Variants in ARID2 observed in about 807,000 individuals in gnomAD.
ARID2 encodes AT-rich interaction domain 2.
In ARID2, 32 loss-of-function variants were observed where a neutral mutation model predicts 184.6. The ratio of observed to expected loss-of-function variants is 0.17; its 90% confidence interval spans 0.13 to 0.23. The LOEUF (loss-of-function observed/expected upper bound fraction) is 0.23, where lower values mean the gene tolerates loss of function less well. ARID2 is among the 10% of genes least tolerant of loss of function. The pLI, the probability that ARID2 is intolerant of heterozygous loss-of-function variation, is 1.00. For synonymous variants in ARID2, 836 were observed against 772.6 expected (o/e 1.08, Z -1.36); for missense variants, 1,696 against 2,197.6 (o/e 0.77, Z 4.56).
intron 3 of ARID2, among the ~76,000 whole-genome samples, chr12:45,796,134 T>C (rs1942388097): frequency 6.6e-6 from 1 of 152,108 alleles, no homozygotes; most frequent in South Asian, 2.1e-4. Context: ...TATTCAGAAC[T>C]CAGAAGGAAT....
chr12:45,852,957 G>A, intron 15 of ARID2, 61 bp downstream of exon 15: 1 of 1,463,288 alleles, frequency 6.8e-7, no homozygotes. Context: ...TACAATTTTA[G>A]AGGGAAATGC....
chr12:45,785,692 G>C (rs990857415), intron 3 of ARID2, among the ~76,000 whole-genome samples: 5 of 152,028 alleles, frequency 3.3e-5, no homozygotes, highest in African/African-American at 1.2e-4. Context: ...AGCTCAGTAG[G>C]TAAGCTTAAT....
rs2138178256 is a variant in ARID2, at chr12:45,852,372, A to G, written c.4249A>G (p.Asn1417Asp). 1 of 1,614,226 alleles carries G rather than the reference A, an allele frequency of 6.2e-7. No homozygotes were observed. Among genetic ancestry groups the G allele is most frequent in the Non-Finnish European group, 8.5e-7 (1 of 1,180,026 alleles). Residue 1417 changes from asparagine (N) to aspartate (D), a missense_variant, in exon 15 of 21, where the codon AAT becomes GAT. Transcript: ENST00000334344. ...AKGDQLERISNGPVLTLGGSS... is the reference protein window; with the variant it reads ...AKGDQLERISDGPVLTLGGSS... ...AGGTGATCAACTAGAAAGAATTTCT[A>G]ATGGACCTGTATTAACTTTGGGTGG...
intron 20 of ARID2, among the ~76,000 whole-genome samples, chr12:45,899,537 C>T (rs530922093): frequency 8.9e-4 from 134 of 149,786 alleles, no homozygotes; most frequent in South Asian, 4.4e-3. Context: ...ACACAGGAGG[C>T]GGAGCTTGCA....
At chr12:45,853,366 G>A (rs1943590893) in intron 15 of ARID2, among the ~76,000 whole-genome samples, 1 of 152,018 alleles carries the variant, frequency 6.6e-6, no homozygotes, top group Non-Finnish European at 1.5e-5. Context: ...TATTCTTTTT[G>A]TATTTATGTA....
rs766226427 is a variant in ARID2, at chr12:45,729,803, T to G, written c.-34T>G. 4 of 1,563,358 alleles carry G rather than the reference T, an allele frequency of 2.6e-6. No individual in the cohort carries two copies. Among genetic ancestry groups the G allele is most frequent in the Non-Finnish European group, 3.5e-6 (4 of 1,150,354 alleles). ...GCGGGGGGCGCTTTTAAAACACCGA[T>G]CTGGGTTTTTTAAAAACCTCCTTTG... On this transcript the variant is annotated 5_prime_UTR_variant, in exon 1 of 21. Coordinates refer to ENST00000334344, the MANE Select transcript of ARID2 (RefSeq NM_152641.4).
chr12:45,805,785 G>T (rs1942588801), intron 3 of ARID2, among the ~76,000 whole-genome samples: 1 of 151,990 alleles, frequency 6.6e-6, no homozygotes, highest in Non-Finnish European at 1.5e-5. Context: ...GAACATCTAA[G>T]CAAATTTCAA....
At chr12:45,735,556 G>A (rs930215754) in intron 3 of ARID2, among the ~76,000 whole-genome samples, 2 of 151,738 alleles carry the variant, frequency 1.3e-5, no homozygotes, top group African/African-American at 4.8e-5. Context: ...GGATACAAAA[G>A]TGAGCCACTG....
At chr12:45,863,591 T>A (rs576711787) in intron 16 of ARID2, among the ~76,000 whole-genome samples, 4 of 148,026 alleles carry the variant, frequency 2.7e-5, no homozygotes, top group South Asian at 2.2e-4. Context: ...TGTCTCTTTT[T>A]AAAAAAAAAA....
chr12:45,849,331 A>G (rs1241948566), intron 13 of ARID2, among the ~76,000 whole-genome samples: 1 of 152,218 alleles, frequency 6.6e-6, no homozygotes, highest in East Asian at 1.9e-4. Context: ...AAAAATAGGT[A>G]TCTTTTATTA....
intron 3 of ARID2, among the ~76,000 whole-genome samples, chr12:45,743,549 T>C (rs1941302618): frequency 6.6e-6 from 1 of 152,212 alleles, no homozygotes. Context: ...TTAACATGTT[T>C]TCATCTTTGA....
intron 6 of ARID2, among the ~76,000 whole-genome samples, chr12:45,833,662 T>C (rs557698333): frequency 6.6e-6 from 1 of 152,326 alleles, no homozygotes; most frequent in South Asian, 2.1e-4. Flanking sequence ...TTATGACATA[T>C]GTAGATTAGC....
chr12:45,855,248 G>A (rs1943625435), intron 15 of ARID2, among the ~76,000 whole-genome samples: 2 of 152,162 alleles, frequency 1.3e-5, no homozygotes, highest in South Asian at 2.1e-4. Context: ...GGACATATAT[G>A]TAGTTAATTC....
At chr12:45,768,825 A>T (rs140921565) in intron 3 of ARID2, among the ~76,000 whole-genome samples, 129 of 152,258 alleles carry the variant, frequency 8.5e-4, no homozygotes, top group African/African-American at 3.0e-3. Flanking sequence ...TTTATGCTTC[A>T]GCACATTGTT....
chr12:45,739,696 G>A (rs1365950969), intron 3 of ARID2, among the ~76,000 whole-genome samples: 3 of 151,724 alleles, frequency 2.0e-5, no homozygotes, highest in African/African-American at 7.3e-5. Flanking sequence ...TAAATAATAC[G>A]TATCTTTCAT....
At chr12:45,870,220 C>T (rs1275510126) in intron 16 of ARID2, among the ~76,000 whole-genome samples, 9 of 152,106 alleles carry the variant, frequency 5.9e-5, no homozygotes, top group Non-Finnish European at 1.3e-4. Context: ...GATCTCCTGA[C>T]TTCCTGATCC....
intron 3 of ARID2, chr12:45,755,937 A>G: frequency 6.1e-6 from 1 of 164,968 alleles, no homozygotes. Context: ...ACAGAGTCTC[A>G]CTCTGTCACC....
At chr12:45,730,521 C>A (rs1940968371) in intron 2 of ARID2, among the ~76,000 whole-genome samples, 1 of 151,878 alleles carries the variant, frequency 6.6e-6, no homozygotes, top group Non-Finnish European at 1.5e-5. Flanking sequence ...CCGCCGCTGC[C>A]GCTCTAGCAC....
chr12:45,814,669 T>A (rs1212922505), intron 4 of ARID2, among the ~76,000 whole-genome samples: 2 of 152,212 alleles, frequency 1.3e-5, no homozygotes, highest in East Asian at 3.9e-4. Flanking sequence ...TAAACTTCCC[T>A]CCTCATTCCA....
Sources: allele counts gnomAD v4.1 joint callset (sites outside exome capture counted in the v4.1 genomes callset), GRCh38; gene constraint gnomAD v4.1.1; transcripts MANE v1.5; gene names NCBI Gene and HGNC (gene_info 2026-07-23, HGNC 2026-07-21).